POM121C: variants seen among roughly 807,000 people sequenced by gnomAD.
POM121C encodes the protein POM121 transmembrane nucleoporin C, also known as nuclear envelope pore membrane protein POM 121C.
A neutral mutation model predicts 66.4 loss-of-function variants in POM121C; 20 were observed. The observed-to-expected ratio is 0.30, with a 90% CI of 0.21 to 0.44. The LOEUF (loss-of-function observed/expected upper bound fraction) is 0.44, where lower values mean the gene tolerates loss of function less well. POM121C is among the 20% of genes least tolerant of loss of function. The probability of loss-of-function intolerance (pLI) is 1.00; values close to 1 mark genes in which losing one functional copy is unlikely to be tolerated. For missense variants in POM121C, 580 were observed against 1,225.7 expected (o/e 0.47, Z 7.87); for synonymous variants, 286 against 528.0 (o/e 0.54, Z 6.28).
At chr7:75,480,951 T>G (rs1360451953) in intron 1 of POM121C, among the ~76,000 whole-genome samples, 2 of 151,172 alleles carry the variant, frequency 1.3e-5, no homozygotes, top group African/African-American at 4.8e-5. Context: ...ATAATATTCT[T>G]GATTTTATGA....
chr7:75,424,372 C>A, intron 11 of POM121C, 147 bp from the exon 12 acceptor site: 2 of 1,228,286 alleles, frequency 1.6e-6, no homozygotes, highest in South Asian at 2.7e-5. Flanking sequence ...CCGTGAAGAC[C>A]AACACGGATA....
intron 14 of POM121C, 98 bp downstream of exon 14, chr7:75,419,222 C>A: frequency 4.7e-6 from 7 of 1,478,172 alleles, no homozygotes; most frequent in Non-Finnish European, 6.3e-6. Context: ...CTGTGCTGAA[C>A]CTGATCTTCA....
intron 3 of POM121C, among the ~76,000 whole-genome samples, chr7:75,471,328 C>T (rs1791867421): frequency 6.6e-6 from 1 of 151,964 alleles, no homozygotes; most frequent in African/African-American, 2.4e-5. Context: ...CCTGCCTCAG[C>T]CTCTGGAGTA....
intron 3 of POM121C, among the ~76,000 whole-genome samples, chr7:75,473,048 C>T (rs1791935122): frequency 6.6e-6 from 1 of 152,008 alleles, no homozygotes; most frequent in Non-Finnish European, 1.5e-5. Context: ...AGAACACAAA[C>T]CATGGAGAGA....
chr7:75,433,968 G>C (rs587725512), intron 7 of POM121C, among the ~76,000 whole-genome samples: 3 of 152,188 alleles, frequency 2.0e-5, no homozygotes. Context: ...AAGGGTGCGT[G>C]TATCTCTTAT....
Position 75,475,110 on chromosome 7 carries a change from T to C in POM121C, c.-379A>G, listed in dbSNP as rs1174602431. 2.8e-4 allele frequency: 435 copies of C among 1,530,646 alleles called. 1 individual carries two copies. Among genetic ancestry groups the C allele is most frequent in the Middle Eastern group, 5.6e-4 (3 of 5,344 alleles). 94.8% of individuals were successfully genotyped at this position (1,530,646 alleles called of 1,614,324 possible). A position where few individuals can be genotyped will look rare whatever the true frequency, so the allele number is the denominator to read the frequency against. On this transcript the variant is annotated 5_prime_UTR_variant, in exon 2 of 15. The change abolishes the stop of an existing upstream ORF in the 5' untranslated region. Coordinates refer to ENST00000615331, the MANE Select transcript of POM121C (RefSeq NM_001099415.3). ...TTCTCCAACATCACATCCCCGTATG[T>C]TATCTTCTCATCAGGGTCCAGTTGC...
In POM121C at chr7:75,417,239, A is replaced by G. The variant is rs1453494487; in HGVS notation, c.*1557T>C. 1 of 936,790 alleles carries G rather than the reference A, an allele frequency of 1.1e-6. No homozygotes were observed. The highest frequency in any genetic ancestry group is 4.9e-5 in the South Asian group (1 of 20,436). 58.0% of individuals were successfully genotyped at this position (936,790 alleles called of 1,614,324 possible). A position where few individuals can be genotyped will look rare whatever the true frequency, so the allele number is the denominator to read the frequency against. ...ATTTATAAAATAAGAATTACATTTC[A>G]TATAACATGGCCAGAAGGAGCTCTA... is the stretch of plus-strand genomic sequence containing the variant. On this transcript the variant is annotated 3_prime_UTR_variant, in exon 15 of 15. Coordinates refer to ENST00000615331, the MANE Select transcript of POM121C (RefSeq NM_001099415.3).
At chr7:75,471,160 C>T (rs1437132896) in intron 3 of POM121C, among the ~76,000 whole-genome samples, 3 of 152,118 alleles carry the variant, frequency 2.0e-5, no homozygotes, top group African/African-American at 7.2e-5. Flanking sequence ...GCATCTAAAC[C>T]GACCACAGTT....
At chr7:75,473,209 G>GTGTCAAATAT (rs1421881176) in intron 3 of POM121C, among the ~76,000 whole-genome samples, 2 of 151,962 alleles carry the variant, frequency 1.3e-5, no homozygotes, top group African/African-American at 4.8e-5. Context: ...TATTCAACTA[G>GTGTCAAATAT]GTTAAAAGTG....
intron 7 of POM121C, among the ~76,000 whole-genome samples, chr7:75,428,901 G>A (rs1790062210): frequency 6.7e-6 from 1 of 150,154 alleles, no homozygotes; most frequent in Admixed American, 6.6e-5. Flanking sequence ...GATCACTTGA[G>A]CCCAAGAGTT....
intron 1 of POM121C, among the ~76,000 whole-genome samples, chr7:75,485,268 T>C (rs1554480693): frequency 5.9e-5 from 9 of 152,188 alleles, no homozygotes; most frequent in Non-Finnish European, 1.2e-4. Flanking sequence ...ATTATCTAAC[T>C]GAACTTGGTT....
chr7:75,464,953 T>C (rs587687038), intron 3 of POM121C, among the ~76,000 whole-genome samples: 6 of 149,890 alleles, frequency 4.0e-5, no homozygotes, highest in South Asian at 2.1e-4. Context: ...GAGAGAGTCA[T>C]TGAACACATG....
intron 5 of POM121C, among the ~76,000 whole-genome samples, chr7:75,439,683 G>C (rs1214708026): frequency 6.6e-6 from 1 of 152,078 alleles, no homozygotes; most frequent in Non-Finnish European, 1.5e-5. Context: ...ACCATACCCA[G>C]CCTTATAAAA....
intron 1 of POM121C, among the ~76,000 whole-genome samples, chr7:75,485,078 C>A (rs1292143346): frequency 6.6e-6 from 1 of 152,062 alleles, no homozygotes; most frequent in Non-Finnish European, 1.5e-5. Flanking sequence ...CTCCTGGTCT[C>A]AAGGGATACT....
intron 7 of POM121C, among the ~76,000 whole-genome samples, chr7:75,430,462 C>A (rs1410628902): frequency 1.3e-5 from 2 of 151,910 alleles, no homozygotes; most frequent in African/African-American, 2.4e-5. Context: ...TAGTAAAAAA[C>A]AAACAAACAA....
rs1790471030 is a variant in POM121C at position 75,437,739 on chromosome 7, G to A, written c.309-53C>T. Reference sequence around the variant, plus strand: ...TTTATTGAAGGCAACATTCTTTTACGATTTCATCCACGGTCATGACATCTT... The same window carrying A: ...TTTATTGAAGGCAACATTCTTTTACAATTTCATCCACGGTCATGACATCTT... On this transcript the variant is annotated intron_variant, in intron 6 of 14. Coordinates refer to ENST00000615331, the MANE Select transcript of POM121C (RefSeq NM_001099415.3). 1.3e-5 allele frequency: 20 copies of A among 1,522,166 alleles called. No individual in the cohort carries two copies. In the South Asian group the frequency reaches 1.5e-4, roughly 12 times the overall value. The allele number at this position is 1,522,166 out of a possible 1,614,324, so 94.3% of individuals were successfully genotyped here. A position where few individuals can be genotyped will look rare whatever the true frequency, so the allele number is the denominator to read the frequency against.
chr7:75,419,450 G>A lies in POM121C; in HGVS notation c.2744-8C>T, dbSNP rs782680065. The A allele has an allele frequency of 1.2e-6, 2 of 1,613,066 alleles. No individual in the cohort carries two copies. Among genetic ancestry groups the A allele is most frequent in the African/African-American group, 1.3e-5 (1 of 75,010 alleles). On this transcript the variant is annotated splice_region_variant and splice_polypyrimidine_tract_variant and intron_variant, in intron 13 of 14. Transcript: ENST00000615331. ...AGGTGGGGGTGGCGGTGCCTGGAATGAAGAGAACAGAGAGCTAGCCAGTGA... is the reference window on the plus strand; with the variant it reads ...AGGTGGGGGTGGCGGTGCCTGGAATAAAGAGAACAGAGAGCTAGCCAGTGA...
At chr7:75,462,439 G>C (rs1432847232) in intron 3 of POM121C, among the ~76,000 whole-genome samples, 1 of 150,262 alleles carries the variant, frequency 6.7e-6, no homozygotes, top group Non-Finnish European at 1.5e-5. Flanking sequence ...TACTCCAAAT[G>C]AACACTGAAT....
In POM121C at chr7:75,486,169, C is replaced by T. The variant is rs1362074365; in HGVS notation, c.-763G>A. On this transcript the variant is annotated 5_prime_UTR_variant, in exon 1 of 15. Coordinates refer to ENST00000615331, the MANE Select transcript of POM121C (RefSeq NM_001099415.3). Reference sequence around the variant, plus strand: ...CGCGAACCCTGGGCCGCACAGCTCCCGCCCGCCTAGGTGCTGGTCCGGGCG... The same window carrying T: ...CGCGAACCCTGGGCCGCACAGCTCCTGCCCGCCTAGGTGCTGGTCCGGGCG... 1.3e-5 allele frequency: 4 copies of T among 317,026 alleles called. No individual in the cohort carries two copies. Among genetic ancestry groups the T allele is most frequent in the South Asian group, 9.2e-5 (4 of 43,396 alleles). 19.6% of individuals were successfully genotyped at this position (317,026 alleles called of 1,614,324 possible). A position where few individuals can be genotyped will look rare whatever the true frequency, so the allele number is the denominator to read the frequency against.
Sources: allele counts gnomAD v4.1 joint callset (sites outside exome capture counted in the v4.1 genomes callset), GRCh38; gene constraint gnomAD v4.1.1; transcripts MANE v1.5; gene names NCBI Gene and HGNC (gene_info 2026-07-23, HGNC 2026-07-21).